The following WWC2 variants were observed in gnomAD, a reference collection of about 807,000 sequenced individuals.
WWC2 encodes WW and C2 domain containing 2.
WWC2 carries 101 observed loss-of-function variants against 138.5 expected under a neutral mutation model. That is an observed-to-expected ratio of 0.73 (90% CI 0.62 to 0.86). The LOEUF is 0.86. Among genes scored for constraint, WWC2 ranks in the 40% least tolerant of loss-of-function variants. The pLI, the probability that WWC2 is intolerant of heterozygous loss-of-function variation, is 0.00. For missense variants in WWC2, 1,420 were observed against 1,419.4 expected (o/e 1.00, Z -0.01); for synonymous variants, 558 against 538.4 (o/e 1.04, Z -0.50).
intron 1 of WWC2, among the ~76,000 whole-genome samples, chr4:183,176,170 C>G (rs1734462232): frequency 6.6e-6 from 1 of 152,092 alleles, no homozygotes; most frequent in South Asian, 2.1e-4. Flanking sequence ...GGCTAGAGAG[C>G]ACACAGAAAT....
chr4:183,197,631 C>A (rs1735180585), intron 2 of WWC2, among the ~76,000 whole-genome samples: 1 of 149,534 alleles, frequency 6.7e-6, no homozygotes, highest in African/African-American at 2.5e-5. Context: ...GGGATGTTTG[C>A]AGCTAACTAG....
At chr4:183,241,126 T>G (rs898653138) in intron 5 of WWC2, among the ~76,000 whole-genome samples, 1 of 152,172 alleles carries the variant, frequency 6.6e-6, no homozygotes, top group Non-Finnish European at 1.5e-5. Flanking sequence ...TGCCTCCAAG[T>G]GCGGTGCAGT....
In WWC2 at chr4:183,166,386, T is replaced by C. The variant is rs572296161; in HGVS notation, c.132-27213T>C. On this transcript the variant is annotated intron_variant, in intron 1 of 22. Coordinates refer to ENST00000403733, the MANE Select transcript of WWC2 (RefSeq NM_024949.6). ...TTGCAGTGCTCCTGTGTCGGCAGAA[T>C]GTCTCGATTTCAGAACTGGCTATCC... Among the ~76,000 whole-genome samples, 5 of 152,328 alleles carry C rather than the reference T, an allele frequency of 3.3e-5. No homozygotes were observed. In the East Asian group the frequency reaches 7.7e-4, roughly 24 times the overall value.
At chr4:183,122,834 A>G (rs922716432) in intron 1 of WWC2, among the ~76,000 whole-genome samples, 13 of 152,178 alleles carry the variant, frequency 8.5e-5, no homozygotes, top group African/African-American at 3.1e-4. Context: ...CTGTATTTTA[A>G]TAAGTAAATG....
chr4:183,251,144 T>G (rs1344532784), intron 8 of WWC2, among the ~76,000 whole-genome samples: 2 of 152,348 alleles, frequency 1.3e-5, no homozygotes, highest in East Asian at 3.9e-4. Context: ...ATTCTAAATT[T>G]CTTCAGGTTA....
intron 1 of WWC2, among the ~76,000 whole-genome samples, chr4:183,183,384 C>T (rs1734697901): frequency 6.6e-6 from 1 of 151,992 alleles, no homozygotes; most frequent in South Asian, 2.1e-4. Flanking sequence ...TTTAACACTG[C>T]CAAATTGTTT....
intron 1 of WWC2, among the ~76,000 whole-genome samples, chr4:183,122,828 A>G (rs976759177): frequency 6.6e-6 from 1 of 152,168 alleles, no homozygotes; most frequent in Non-Finnish European, 1.5e-5. Flanking sequence ...CAAGATCTGT[A>G]TTTTAATAAG....
chr4:183,284,623 G>A (rs1477374978), intron 19 of WWC2, among the ~76,000 whole-genome samples: 3 of 152,208 alleles, frequency 2.0e-5, no homozygotes, highest in African/African-American at 7.2e-5. Context: ...TATTTGGCAA[G>A]TAAGCGAAGT....
Position 183,208,956 on chromosome 4 carries a change from A to C in WWC2, c.453A>C (p.Ser151=). 6.4e-7 allele frequency: 1 copy of C among 1,552,358 alleles called. No homozygotes were observed. The highest frequency in any genetic ancestry group is 8.7e-7 in the Non-Finnish European group (1 of 1,143,140). Reference sequence around the variant, plus strand: ...CTTTTTTCTCTATAAAAGTATTCTCAGGATCTTCATCCAGTACTAAATATG... The same window carrying C: ...CTTTTTTCTCTATAAAAGTATTCTCCGGATCTTCATCCAGTACTAAATATG... ...EKSSSHTSLF[S]GSSSSTKYDP... is the part of the protein sequence containing the mutation. Residue 151 remains serine (S), a synonymous_variant, in exon 4 of 23, where the codon TCA becomes TCC. Coordinates refer to ENST00000403733, the MANE Select transcript of WWC2 (RefSeq NM_024949.6).
chr4:183,151,830 G>C (rs534498917), intron 1 of WWC2, among the ~76,000 whole-genome samples: 1 of 152,310 alleles, frequency 6.6e-6, no homozygotes, highest in South Asian at 2.1e-4. Context: ...TCTCAGGTTT[G>C]TCAAAGATCA....
chr4:183,101,754 C>T lies in WWC2; in HGVS notation c.131+2132C>T, dbSNP rs138934548. Among the ~76,000 whole-genome samples, 590 of 152,208 alleles carry T rather than the reference C, an allele frequency of 3.9e-3. 3 individuals are homozygous for T. The highest frequency in any genetic ancestry group is 0.014 in the African/African-American group (565 of 41,516). On this transcript the variant is annotated intron_variant, in intron 1 of 22. Coordinates refer to ENST00000403733, the MANE Select transcript of WWC2 (RefSeq NM_024949.6). ...ATGGAAAGAGAGATGTTACACAGGC[C>T]AATAGGAGTGTGTGGATTCTTCTGC...
At chr4:183,257,415 A>G (rs1404939022) in intron 9 of WWC2, among the ~76,000 whole-genome samples, 1 of 152,164 alleles carries the variant, frequency 6.6e-6, no homozygotes, top group South Asian at 2.1e-4. Flanking sequence ...CTGAGGGCAG[A>G]GTCAGGCAGG....
At chr4:183,183,345 C>A (rs1273853906) in intron 1 of WWC2, among the ~76,000 whole-genome samples, 1 of 151,670 alleles carries the variant, frequency 6.6e-6, no homozygotes, top group African/African-American at 2.4e-5. Context: ...TCCCTTCCCC[C>A]ACCTGGAATC....
chr4:183,200,311 T>C (rs1186778756), intron 2 of WWC2, among the ~76,000 whole-genome samples: 3 of 152,218 alleles, frequency 2.0e-5, no homozygotes, highest in East Asian at 1.9e-4. Context: ...GAGGGAAATA[T>C]GATTGGCTGA....
At chr4:183,268,552 T>C (rs551631204) in intron 14 of WWC2, among the ~76,000 whole-genome samples, 35 of 152,350 alleles carry the variant, frequency 2.3e-4, no homozygotes, top group Non-Finnish European at 3.8e-4. Context: ...TCTTGTTTAA[T>C]ACTCAGGATG....
rs142573840 is a variant in WWC2 at position 183,235,471 on chromosome 4, C to T, written c.523-4712C>T. 1.5e-3 allele frequency among the ~76,000 whole-genome samples: 230 copies of T among 152,264 alleles called. 1 individual carries two copies. Among genetic ancestry groups the T allele is most frequent in the African/African-American group, 5.2e-3 (215 of 41,554 alleles). On this transcript the variant is annotated intron_variant, in intron 4 of 22. Transcript: ENST00000403733. ...CTAGACTAATTTTCATGTTGCATAA[C>T]TGAAACTTTATTTCCTGTAGCAACT...
intron 4 of WWC2, among the ~76,000 whole-genome samples, chr4:183,216,032 GAGATAA>G (rs937860749): frequency 1.1e-4 from 17 of 152,156 alleles, no homozygotes; most frequent in Admixed American, 2.0e-4. Flanking sequence ...GGAATGTTAT[GAGATAA>G]AGATATAATG....
intron 1 of WWC2, among the ~76,000 whole-genome samples, chr4:183,161,350 A>G (rs914687797): frequency 1.3e-5 from 2 of 152,216 alleles, no homozygotes; most frequent in South Asian, 4.1e-4. Context: ...GGAGTTTCAG[A>G]CAGGTTATTA....
intron 1 of WWC2, among the ~76,000 whole-genome samples, chr4:183,113,513 T>TGCGCGCGC (rs755776067): frequency 9.8e-5 from 11 of 112,128 alleles, no homozygotes; most frequent in Non-Finnish European, 1.7e-4. Context: ...TGTGTGTGTG[T>TGCGCGCGC]GTGCGCGCGC....
Sources: allele counts gnomAD v4.1 joint callset (sites outside exome capture counted in the v4.1 genomes callset), GRCh38; gene constraint gnomAD v4.1.1; transcripts MANE v1.5; gene names NCBI Gene and HGNC (gene_info 2026-07-23, HGNC 2026-07-21).